The following SNX18 variants were observed in gnomAD, a reference collection of about 807,000 sequenced individuals.
The protein encoded by SNX18 is sorting nexin 18, also known as sorting nexin-18.
In SNX18, 35 loss-of-function variants were observed where a neutral mutation model predicts 48.7. The observed-to-expected ratio is 0.72, with a 90% confidence interval of 0.55 to 0.95. The LOEUF (loss-of-function observed/expected upper bound fraction) is 0.95. Ranked by LOEUF, SNX18 falls within the 40% of genes least tolerant of loss-of-function variation. The pLI is 0.00. For synonymous variants in SNX18, 492 were observed against 384.7 expected, an observed-to-expected ratio of 1.28 and a Z score of -3.26; for missense variants, 824 against 871.0, an observed-to-expected ratio of 0.95 and a Z score of 0.68.
chr5:54,578,092 C>T, the SNX18 span, among the ~76,000 whole-genome samples: 1 of 152,276 alleles, frequency 6.6e-6, no homozygotes, highest in East Asian at 1.9e-4. Flanking sequence ...GTGGAAGATT[C>T]CAGGCAAATC....
the SNX18 span, among the ~76,000 whole-genome samples, chr5:54,633,515 T>A: frequency 7.9e-5 from 12 of 152,194 alleles, no homozygotes; most frequent in African/African-American, 1.4e-4. Context: ...AGGTTCATAT[T>A]GTATCAGTAA....
the SNX18 span, among the ~76,000 whole-genome samples, chr5:54,584,940 A>G: frequency 6.6e-6 from 1 of 152,184 alleles, no homozygotes; most frequent in Non-Finnish European, 1.5e-5. Flanking sequence ...TATTTTAACT[A>G]TGTGGCCGAC....
chr5:54,543,156 T>C, intron 1 of SNX18, 23 bp from the exon 2 acceptor site: 1 of 1,600,514 alleles, frequency 6.2e-7, no homozygotes, highest in Non-Finnish European at 8.5e-7. Context: ...AGGTTTTTAA[T>C]TAATTGTTAT....
At chr5:54,532,671 G>A (rs1179441936) in intron 1 of SNX18, among the ~76,000 whole-genome samples, 1 of 152,078 alleles carries the variant, frequency 6.6e-6, no homozygotes, top group Non-Finnish European at 1.5e-5. Context: ...TAAAGACACT[G>A]TGTTTTCAGA....
chr5:54,621,010 T>G, the SNX18 span, among the ~76,000 whole-genome samples: 4 of 152,286 alleles, frequency 2.6e-5, no homozygotes, highest in South Asian at 8.3e-4. Flanking sequence ...GGAACACAGT[T>G]CAGTCCATAA....
the SNX18 span, among the ~76,000 whole-genome samples, chr5:54,555,070 C>G: frequency 6.6e-6 from 1 of 152,238 alleles, no homozygotes; most frequent in Non-Finnish European, 1.5e-5. Context: ...TCACGCCAGC[C>G]AGCCCTTTGT....
chr5:54,524,083 C>G (rs530838988), intron 1 of SNX18, among the ~76,000 whole-genome samples: 1 of 152,176 alleles, frequency 6.6e-6, no homozygotes, highest in South Asian at 2.1e-4. Context: ...GCATTTACCC[C>G]CAGCTGTTCT....
At chr5:54,586,772 G>A in the SNX18 span, among the ~76,000 whole-genome samples, 1 of 152,160 alleles carries the variant, frequency 6.6e-6, no homozygotes, top group Non-Finnish European at 1.5e-5. Flanking sequence ...TACATAGTAG[G>A]ATCATAGCTT....
At chr5:54,541,082 C>T (rs1373127344) in intron 1 of SNX18, among the ~76,000 whole-genome samples, 1 of 151,860 alleles carries the variant, frequency 6.6e-6, no homozygotes, top group African/African-American at 2.4e-5. Flanking sequence ...GGCTGGAGTA[C>T]GGTGGCGCAA....
the SNX18 span, among the ~76,000 whole-genome samples, chr5:54,572,442 C>A: frequency 6.6e-6 from 1 of 152,028 alleles, no homozygotes; most frequent in African/African-American, 2.4e-5. Flanking sequence ...TTACTTCTTG[C>A]TGTTTAAGTT....
the SNX18 span, among the ~76,000 whole-genome samples, chr5:54,563,458 G>A: frequency 6.6e-6 from 1 of 152,172 alleles, no homozygotes; most frequent in Non-Finnish European, 1.5e-5. Flanking sequence ...ACAGTAACAT[G>A]CTGCACAGGT....
rs80338048 is a variant in SNX18, at chr5:54,522,615, T to G, written c.1621+3042T>G. ...CTGCTAGATTCTTCTTTGCTGAATTTCCCAAGCACTCAACCTGAGTGACAT... is the reference window on the plus strand; with the variant it reads ...CTGCTAGATTCTTCTTTGCTGAATTGCCCAAGCACTCAACCTGAGTGACAT... On this transcript the variant is annotated intron_variant, in intron 1 of 1. Coordinates refer to ENST00000381410, the MANE Select transcript of SNX18 (RefSeq NM_001102575.2). 4.0e-3 allele frequency among the ~76,000 whole-genome samples: 613 copies of G among 152,326 alleles called. 6 individuals carry two copies. The highest frequency in any genetic ancestry group is 0.013 in the African/African-American group (550 of 41,578).
At chr5:54,624,342 G>A in the SNX18 span, among the ~76,000 whole-genome samples, 67 of 152,116 alleles carry the variant, frequency 4.4e-4, no homozygotes, top group African/African-American at 1.6e-3. Flanking sequence ...GGGCTCCAGG[G>A]GTTTTCATTA....
the SNX18 span, among the ~76,000 whole-genome samples, chr5:54,571,767 C>T: frequency 6.6e-6 from 1 of 152,148 alleles, no homozygotes; most frequent in Non-Finnish European, 1.5e-5. Context: ...TCCCTGGACT[C>T]ATGATTATGT....
chr5:54,535,388 G>C (rs1580104664), intron 1 of SNX18, among the ~76,000 whole-genome samples: 1 of 152,184 alleles, frequency 6.6e-6, no homozygotes, highest in South Asian at 2.1e-4. Context: ...GAGCCCTGTT[G>C]GGAATTTTCC....
chr5:54,518,716 G>C lies in SNX18; in HGVS notation c.764G>C (p.Gly255Ala). ...LGEASGFVKD[G>A]DKLCVVLGPY... ...GAGGCGTCAGGCTTCGTGAAGGACG[G>C]GGACAAGCTGTGCGTGGTGCTGGGG... The change falls in exon 1 of 2, where the codon GGG (glycine) becomes GCG (alanine). Residue 255 changes from glycine (G) to alanine (A), a missense_variant. Transcript: ENST00000381410. 6.3e-7 allele frequency: 1 copy of C among 1,597,942 alleles called. No individual in the cohort carries two copies. Among genetic ancestry groups the C allele is most frequent in the Non-Finnish European group, 8.5e-7 (1 of 1,172,050 alleles).
chr5:54,643,374 T>C, the SNX18 span, among the ~76,000 whole-genome samples: 14 of 152,190 alleles, frequency 9.2e-5, no homozygotes, highest in Non-Finnish European at 1.3e-4. Flanking sequence ...TGAAAAATAG[T>C]AATAAATAGA....
At chr5:54,632,635 G>A in the SNX18 span, among the ~76,000 whole-genome samples, 2 of 152,100 alleles carry the variant, frequency 1.3e-5, no homozygotes, top group Non-Finnish European at 2.9e-5. Context: ...GGAGCTGTGG[G>A]CTCCAACTAC....
At chr5:54,587,209 A>G in the SNX18 span, among the ~76,000 whole-genome samples, 2 of 152,186 alleles carry the variant, frequency 1.3e-5, no homozygotes, top group African/African-American at 2.4e-5. Context: ...TAGTCCATCC[A>G]ATATCTTTTA....
Sources: gnomAD v4.1 joint callset for allele counts (sites outside exome capture counted in the v4.1 genomes callset) on GRCh38, gnomAD v4.1.1 for gene constraint, MANE v1.5 for transcripts, NCBI Gene and HGNC (gene_info 2026-07-23, HGNC 2026-07-21) for gene names.